ADAMTSL1: variants seen among roughly 807,000 people sequenced by gnomAD.
ADAMTSL1 encodes ADAMTS-like protein 1.
In ADAMTSL1, 126 loss-of-function variants were observed where a neutral mutation model predicts 201.8. The ratio of observed to expected loss-of-function variants is 0.62; its 90% CI spans 0.54 to 0.72. The LOEUF (loss-of-function observed/expected upper bound fraction) is 0.72. ADAMTSL1 is among the 30% of genes least tolerant of loss of function. ADAMTSL1 has a pLI of 0.00. For synonymous variants in ADAMTSL1, 1,121 were observed against 903.4 expected, an observed-to-expected ratio of 1.24 and a Z score of -4.32; for missense variants, 2,679 against 2,277.8, an observed-to-expected ratio of 1.18 and a Z score of -3.59.
intron 2 of ADAMTSL1, among the ~76,000 whole-genome samples, chr9:18,380,153 T>A (rs2133175842): frequency 6.6e-6 from 1 of 152,344 alleles, no homozygotes; most frequent in Non-Finnish European, 1.5e-5. Flanking sequence ...TTTAACAGCC[T>A]TTCCTCCACT....
At chr9:18,875,086 G>C (rs1015710094) in intron 23 of ADAMTSL1, among the ~76,000 whole-genome samples, 1 of 151,992 alleles carries the variant, frequency 6.6e-6, no homozygotes, top group Admixed American at 6.6e-5. Flanking sequence ...ATGATCTTTT[G>C]TATTTCTGTG....
chr9:18,600,069 A>G (rs1233443529), intron 4 of ADAMTSL1, among the ~76,000 whole-genome samples: 1 of 151,188 alleles, frequency 6.6e-6, no homozygotes, highest in Non-Finnish European at 1.5e-5. Flanking sequence ...CAAACATCTG[A>G]TAGAGCTGAA....
intron 1 of ADAMTSL1, among the ~76,000 whole-genome samples, chr9:18,133,245 A>G (rs1483901218): frequency 1.3e-5 from 2 of 152,118 alleles, no homozygotes; most frequent in Non-Finnish European, 2.9e-5. Context: ...TGAGGGCTCC[A>G]GTTAGGCTAA....
At chr9:18,213,065 A>G (rs183787281) in intron 2 of ADAMTSL1, among the ~76,000 whole-genome samples, 81 of 152,286 alleles carry the variant, frequency 5.3e-4, no homozygotes, top group African/African-American at 1.4e-3. Context: ...AGACTTGACC[A>G]TTTTATTTTT....
At position 18,675,909 on chromosome 9, in the gene ADAMTSL1, T is replaced by C. The variant is rs2133128952; in HGVS notation, c.1136+2T>C. 1 of 1,612,744 alleles carries C rather than the reference T, an allele frequency of 6.2e-7. No homozygotes were observed. Among genetic ancestry groups the C allele is most frequent in the African/African-American group, 1.3e-5 (1 of 74,994 alleles). On this transcript the variant is annotated splice_donor_variant, in intron 10 of 28. Coordinates refer to ENST00000380548, the MANE Select transcript of ADAMTSL1 (RefSeq NM_001040272.6). LOFTEE classifies it high-confidence loss of function. ...TGACCTCTACCATCCCCTTCCTCGG[T>C]ACGTAAATCAATCATCCTGATGTTA...
chr9:18,220,893 C>T (rs1453324230), intron 2 of ADAMTSL1, among the ~76,000 whole-genome samples: 1 of 151,760 alleles, frequency 6.6e-6, no homozygotes. Flanking sequence ...TCCTGCCTCA[C>T]CCTCCCAAGT....
chr9:18,375,077 A>T (rs944823458), intron 2 of ADAMTSL1, among the ~76,000 whole-genome samples: 1 of 152,224 alleles, frequency 6.6e-6, no homozygotes, highest in South Asian at 2.1e-4. Flanking sequence ...ATCAGCCTGG[A>T]TCACCAGATA....
At chr9:18,619,257 T>A (rs779443975) in intron 4 of ADAMTSL1, among the ~76,000 whole-genome samples, 5 of 152,214 alleles carry the variant, frequency 3.3e-5, no homozygotes, top group African/African-American at 1.2e-4. Flanking sequence ...GATTAAGATA[T>A]GTCAAGTATG....
chr9:18,167,109 G>T (rs1563779695), intron 2 of ADAMTSL1, among the ~76,000 whole-genome samples: 1 of 151,940 alleles, frequency 6.6e-6, no homozygotes. Context: ...TGTTTGCAGA[G>T]AAGAAATAAG....
At chr9:18,138,477 A>G (rs564739248) in intron 1 of ADAMTSL1, among the ~76,000 whole-genome samples, 10 of 152,238 alleles carry the variant, frequency 6.6e-5, no homozygotes, top group Admixed American at 3.3e-4. Context: ...TGAATTTTTG[A>G]AAATTCATTT....
At chr9:18,886,189 T>TACACAC (rs1388908266) in intron 23 of ADAMTSL1, among the ~76,000 whole-genome samples, 1 of 129,674 alleles carries the variant, frequency 7.7e-6, no homozygotes, top group African/African-American at 2.9e-5. Flanking sequence ...TATATATATA[T>TACACAC]ATATATATAT....
At position 18,504,820 on chromosome 9, in the gene ADAMTSL1, T is replaced by C. The variant is rs776006996; in HGVS notation, c.64-9T>C. ...GATATGATGCTGACCATTCTTTTGT[T>C]TCTCACAGAGTTCCAGGACCGCACG... On this transcript the variant is annotated splice_polypyrimidine_tract_variant and intron_variant, in intron 1 of 28. Coordinates refer to ENST00000380548, the MANE Select transcript of ADAMTSL1 (RefSeq NM_001040272.6). The C allele has an allele frequency of 9.7e-5, 157 of 1,614,104 alleles. 1 individual carries two copies. The highest frequency in any genetic ancestry group is 1.3e-4 in the Non-Finnish European group (148 of 1,180,038).
At chr9:18,059,625 C>G (rs563746879) in intron 1 of ADAMTSL1, among the ~76,000 whole-genome samples, 1 of 152,106 alleles carries the variant, frequency 6.6e-6, no homozygotes, top group East Asian at 1.9e-4. Context: ...TACACACATA[C>G]CACTAGGTTC....
chr9:18,688,637 C>A (rs1350634040), intron 13 of ADAMTSL1, among the ~76,000 whole-genome samples: 1 of 109,634 alleles, frequency 9.1e-6, no homozygotes, highest in African/African-American at 3.5e-5. Flanking sequence ...CACCAAACTC[C>A]AGCCTGGGTA....
intron 1 of ADAMTSL1, among the ~76,000 whole-genome samples, chr9:18,153,348 A>C (rs569572503): frequency 1.3e-5 from 2 of 152,204 alleles, no homozygotes; most frequent in East Asian, 1.9e-4. Flanking sequence ...GGGCTCCAGA[A>C]GGAGCTAGAT....
chr9:18,579,238 C>T (rs1294237716), intron 4 of ADAMTSL1, among the ~76,000 whole-genome samples: 3 of 149,596 alleles, frequency 2.0e-5, no homozygotes, highest in African/African-American at 7.4e-5. Flanking sequence ...AGTAAACTAT[C>T]GCAAGAACAA....
intron 2 of ADAMTSL1, among the ~76,000 whole-genome samples, chr9:18,359,589 C>G (rs1366135644): frequency 6.6e-6 from 1 of 152,140 alleles, no homozygotes; most frequent in Non-Finnish European, 1.5e-5. Flanking sequence ...CTCTGAATGT[C>G]TGCTGTAGAA....
chr9:18,279,094 T>C (rs1222575248), intron 2 of ADAMTSL1, among the ~76,000 whole-genome samples: 1 of 152,210 alleles, frequency 6.6e-6, no homozygotes, highest in East Asian at 1.9e-4. Context: ...TTCACTTGTA[T>C]ATCTGTGTTC....
chr9:18,558,447 G>C (rs1821248391), intron 3 of ADAMTSL1, among the ~76,000 whole-genome samples: 1 of 152,098 alleles, frequency 6.6e-6, no homozygotes, highest in Non-Finnish European at 1.5e-5. Flanking sequence ...CTCTGCTCTT[G>C]TGAACAGTGC....
Sources: allele counts gnomAD v4.1 joint callset (sites outside exome capture counted in the v4.1 genomes callset), GRCh38; gene constraint gnomAD v4.1.1; transcripts MANE v1.5; gene names NCBI Gene and HGNC (gene_info 2026-07-23, HGNC 2026-07-21).